Variants in SPON1 observed in about 807,000 individuals in gnomAD.
SPON1 encodes spondin 1.
A neutral mutation model predicts 111.7 loss-of-function variants in SPON1; 52 were observed. The ratio of observed to expected loss-of-function variants is 0.47; its 90% CI spans 0.37 to 0.59. The LOEUF is 0.59. SPON1 is among the 20% of genes least tolerant of loss of function. SPON1 has a pLI of 0.00. For synonymous variants in SPON1, 410 were observed against 395.8 expected (o/e 1.04, Z -0.43); for missense variants, 957 against 1,068.5 (o/e 0.90, Z 1.46).
chr11:14,250,342 TA>T (rs2133921946), intron 7 of SPON1, among the ~76,000 whole-genome samples: 1 of 149,244 alleles, frequency 6.7e-6, no homozygotes, highest in South Asian at 2.1e-4. Flanking sequence ...ATGATCTGGT[TA>T]TTTTCTATTT....
In SPON1 at chr11:14,141,817, A is replaced by G. The variant is rs139913208; in HGVS notation, c.825+6249A>G. 4.9e-3 allele frequency among the ~76,000 whole-genome samples: 746 copies of G among 152,234 alleles called. 10 individuals are homozygous for G. Among genetic ancestry groups the G allele is most frequent in the African/African-American group, 0.017 (691 of 41,544 alleles). Reference sequence around the variant, plus strand: ...TAATCACTTTTCTTTAATTAAAGCCATGGCCTGACTTCAAGTGTTCTCTAT... The same window carrying G: ...TAATCACTTTTCTTTAATTAAAGCCGTGGCCTGACTTCAAGTGTTCTCTAT... On this transcript the variant is annotated intron_variant, in intron 6 of 15. Transcript: ENST00000576479.
intron 2 of SPON1, among the ~76,000 whole-genome samples, chr11:13,991,946 G>A (rs782783634): frequency 1.3e-4 from 20 of 152,160 alleles, no homozygotes; most frequent in Non-Finnish European, 1.9e-4. Context: ...CATCCTAGAG[G>A]GGCACCTGCC....
chr11:14,220,086 CAAAAA>C (rs149757475), intron 6 of SPON1, among the ~76,000 whole-genome samples: 7 of 118,206 alleles, frequency 5.9e-5, no homozygotes, highest in Admixed American at 1.7e-4. Context: ...GCACTTGGAT[CAAAAA>C]AAAAAAAAAA....
At chr11:14,217,351 C>T (rs898926705) in intron 6 of SPON1, among the ~76,000 whole-genome samples, 14 of 151,694 alleles carry the variant, frequency 9.2e-5, no homozygotes, top group South Asian at 2.1e-4. Flanking sequence ...TGTTCTATTA[C>T]GTAAAGAAAA....
At chr11:14,138,823 G>T (rs1205053452) in intron 6 of SPON1, among the ~76,000 whole-genome samples, 1 of 152,032 alleles carries the variant, frequency 6.6e-6, no homozygotes, top group Non-Finnish European at 1.5e-5. Context: ...CCTTTCACTC[G>T]GTTATTCAGG....
chr11:14,219,903 A>G (rs1554937437), intron 6 of SPON1, among the ~76,000 whole-genome samples: 1 of 152,118 alleles, frequency 6.6e-6, no homozygotes, highest in African/African-American at 2.4e-5. Flanking sequence ...CCCAGGCAAC[A>G]TGGTGAAACC....
rs118149703 is a variant in SPON1, at chr11:14,109,388, A to G, written c.677-26032A>G. 8.6e-4 allele frequency among the ~76,000 whole-genome samples: 131 copies of G among 152,302 alleles called. 3 individuals are homozygous for G. In the East Asian group the frequency reaches 0.021, roughly 24 times the overall value. ...ACAGAAATAAGATTAATACTGAAAAAGGATTAAGACTAAATTTTTAAACCA... is the reference window on the plus strand; with the variant it reads ...ACAGAAATAAGATTAATACTGAAAAGGGATTAAGACTAAATTTTTAAACCA... On this transcript the variant is annotated intron_variant, in intron 5 of 15. Coordinates refer to ENST00000576479, the MANE Select transcript of SPON1 (RefSeq NM_006108.4).
chr11:14,229,475 G>A (rs1211111961), intron 6 of SPON1, among the ~76,000 whole-genome samples: 34 of 152,142 alleles, frequency 2.2e-4, no homozygotes, highest in African/African-American at 7.2e-4. Flanking sequence ...GTGAGAGGTC[G>A]CACTGACAGA....
At chr11:14,065,733 G>A (rs1163881129) in intron 3 of SPON1, among the ~76,000 whole-genome samples, 3 of 152,198 alleles carry the variant, frequency 2.0e-5, no homozygotes, top group Non-Finnish European at 4.4e-5. Flanking sequence ...GCTTTGTGGG[G>A]TCAGGAACCC....
chr11:14,053,230 C>G (rs1848720812), intron 3 of SPON1, among the ~76,000 whole-genome samples: 7 of 152,202 alleles, frequency 4.6e-5, no homozygotes, highest in Admixed American at 4.6e-4. Flanking sequence ...ACCACCATCT[C>G]TACCTAGTTC....
At chr11:14,085,862 A>G (rs538853607) in intron 5 of SPON1, among the ~76,000 whole-genome samples, 66 of 152,270 alleles carry the variant, frequency 4.3e-4, no homozygotes, top group Non-Finnish European at 8.5e-4. Flanking sequence ...GAGGTCATTC[A>G]TGTCCCTTGT....
chr11:14,125,877 G>T (rs144838974), intron 5 of SPON1, among the ~76,000 whole-genome samples: 6 of 152,308 alleles, frequency 3.9e-5, no homozygotes, highest in African/African-American at 1.4e-4. Flanking sequence ...GGAACCAATG[G>T]TATAGTTCCA....
rs1554925667 is a variant in SPON1, at chr11:14,113,587, T to A, written c.677-21833T>A. Among the ~76,000 whole-genome samples the A allele has an allele frequency of 1.4e-3, 45 of 32,450 alleles. 6 individuals carry two copies. Among genetic ancestry groups the A allele is most frequent in the South Asian group, 5.2e-3 (4 of 772 alleles). The allele number at this position is 32,450 out of a possible 152,430, so 21.3% of individuals were successfully genotyped here. On this transcript the variant is annotated intron_variant, in intron 5 of 15. Coordinates refer to ENST00000576479, the MANE Select transcript of SPON1 (RefSeq NM_006108.4). ...TTTTAAATTTTTTTTTTTTTTTTTTTTTTTTTTTTTTTTTTTTTTTTTTTT... is the reference window on the plus strand; with the variant it reads ...TTTTAAATTTTTTTTTTTTTTTTTTATTTTTTTTTTTTTTTTTTTTTTTTT...
At chr11:14,146,946 T>C (rs1015411385) in intron 6 of SPON1, among the ~76,000 whole-genome samples, 6 of 144,626 alleles carry the variant, frequency 4.1e-5, no homozygotes, top group Non-Finnish European at 7.6e-5. Flanking sequence ...CAATACAAGC[T>C]CCAAATATAT....
At chr11:14,208,976 A>C (rs1272924122) in intron 6 of SPON1, among the ~76,000 whole-genome samples, 1 of 152,176 alleles carries the variant, frequency 6.6e-6, no homozygotes, top group Non-Finnish European at 1.5e-5. Flanking sequence ...TTGCCTCATA[A>C]GTGTTAAAAT....
intron 2 of SPON1, among the ~76,000 whole-genome samples, chr11:14,037,352 C>G (rs1371509204): frequency 1.3e-5 from 2 of 151,694 alleles, no homozygotes; most frequent in African/African-American, 2.4e-5. Context: ...GGGACCAAGA[C>G]AGTGTGGTAT....
chr11:14,031,296 C>T (rs1265648047), intron 2 of SPON1, among the ~76,000 whole-genome samples: 2 of 152,166 alleles, frequency 1.3e-5, no homozygotes, highest in African/African-American at 4.8e-5. Flanking sequence ...CAAACCTGTA[C>T]ATGTACACCC....
chr11:14,039,654 G>A (rs1417504661), intron 2 of SPON1, among the ~76,000 whole-genome samples: 1 of 151,946 alleles, frequency 6.6e-6, no homozygotes, highest in African/African-American at 2.4e-5. Context: ...AGAAAATATT[G>A]GAGAATATCT....
chr11:14,035,344 A>G (rs1848586801), intron 2 of SPON1, among the ~76,000 whole-genome samples: 1 of 152,198 alleles, frequency 6.6e-6, no homozygotes, highest in South Asian at 2.1e-4. Context: ...TCTGCATTAC[A>G]GTAGTTTCCT....
Sources: gnomAD v4.1 joint callset for allele counts (sites outside exome capture counted in the v4.1 genomes callset) on GRCh38, gnomAD v4.1.1 for gene constraint, MANE v1.5 for transcripts, NCBI Gene and HGNC (gene_info 2026-07-23, HGNC 2026-07-21) for gene names.